TMEM63C: variants seen among roughly 807,000 people sequenced by gnomAD.
TMEM63C encodes osmosensitive cation channel TMEM63C.
TMEM63C carries 32 observed loss-of-function variants against 99.2 expected under a neutral mutation model. That is an observed-to-expected ratio of 0.32 (90% CI 0.24 to 0.43). The LOEUF (loss-of-function observed/expected upper bound fraction) is 0.43, where lower values mean the gene tolerates loss of function less well. Among genes scored for constraint, TMEM63C ranks in the 20% least tolerant of loss-of-function variants. TMEM63C has a pLI of 1.00. For missense variants in TMEM63C, 826 were observed against 1,053.0 expected (o/e 0.78, Z 2.98); for synonymous variants, 376 against 397.9 (o/e 0.94, Z 0.66).
At chr14:77,224,265 A>G (rs1181519460) in intron 5 of TMEM63C, among the ~76,000 whole-genome samples, 1 of 151,944 alleles carries the variant, frequency 6.6e-6, no homozygotes, top group Non-Finnish European at 1.5e-5. Flanking sequence ...AAAAAGAAAC[A>G]GATGTCCTTT....
intron 6 of TMEM63C, among the ~76,000 whole-genome samples, chr14:77,225,855 G>C (rs1888811291): frequency 6.6e-6 from 1 of 152,004 alleles, no homozygotes; most frequent in Non-Finnish European, 1.5e-5. Context: ...CAAACATCGG[G>C]CAGAAGGGCA....
chr14:77,181,926 G>C (rs961764314), intron 1 of TMEM63C, 32 bp downstream of exon 1: 13 of 152,458 alleles, frequency 8.5e-5, no homozygotes, highest in African/African-American at 2.9e-4. Context: ...TGCGGTGACC[G>C]GGGCTGGTCG....
chr14:77,218,765 T>G, intron 2 of TMEM63C, 36 bp from the exon 3 acceptor site: 1 of 1,601,604 alleles, frequency 6.2e-7, no homozygotes, highest in East Asian at 2.2e-5. Context: ...TGCAAGGGAG[T>G]CTTTGCATCT....
chr14:77,223,792 G>A (rs1400327602), intron 5 of TMEM63C, among the ~76,000 whole-genome samples: 1 of 152,144 alleles, frequency 6.6e-6, no homozygotes, highest in Non-Finnish European at 1.5e-5. Flanking sequence ...CTGTGCACCT[G>A]TAGTGGAAGG....
At chr14:77,219,362 A>G (rs1021412885) in intron 3 of TMEM63C, 136 bp from the exon 4 acceptor site, 2 of 832,544 alleles carry the variant, frequency 2.4e-6, no homozygotes, top group African/African-American at 3.4e-5. Context: ...CCCTACTCCA[A>G]CAGAGCTCAC....
chr14:77,215,786 A>C (rs1888573814), intron 2 of TMEM63C, among the ~76,000 whole-genome samples: 1 of 152,054 alleles, frequency 6.6e-6, no homozygotes, highest in Non-Finnish European at 1.5e-5. Context: ...ACTAGTTCCC[A>C]AGCCTCCCGC....
rs969285697 is a variant in TMEM63C at position 77,257,188 on chromosome 14, G to A, written c.*462G>A. 3.0e-5 allele frequency: 5 copies of A among 168,386 alleles called. No individual in the cohort carries two copies. Among genetic ancestry groups the A allele is most frequent in the Admixed American group, 5.7e-5 (1 of 17,394 alleles). 10.4% of individuals were successfully genotyped at this position (168,386 alleles called of 1,614,324 possible). ...GGCCCATTCCTCCCCTGCAGTCTGA[G>A]GAGGCAAAGGTATGTGCACGGGGCA... On this transcript the variant is annotated 3_prime_UTR_variant, in exon 24 of 24. Transcript: ENST00000298351.
At chr14:77,238,225 C>G (rs1889094495) in intron 9 of TMEM63C, among the ~76,000 whole-genome samples, 1 of 152,346 alleles carries the variant, frequency 6.6e-6, no homozygotes, top group East Asian at 1.9e-4. Context: ...ACTCCCCGGC[C>G]CAGTCTCACG....
At chr14:77,237,756 CG>C (rs58560673) in intron 9 of TMEM63C, among the ~76,000 whole-genome samples, 70,099 of 152,082 alleles carry the variant, frequency 0.46, 17,938 homozygotes, top group Admixed American at 0.58. Flanking sequence ...AGATGACTGA[CG>C]GGGGGCCACG....
chr14:77,191,402 G>A (rs56877603), intron 1 of TMEM63C, among the ~76,000 whole-genome samples: 2,793 of 152,170 alleles, frequency 0.018, 90 homozygotes, highest in African/African-American at 0.064. Context: ...AGAATGTTCC[G>A]TATGTGCTTG....
chr14:77,209,023 G>T (rs1202102034), intron 1 of TMEM63C, among the ~76,000 whole-genome samples: 2 of 152,130 alleles, frequency 1.3e-5, no homozygotes, highest in Non-Finnish European at 2.9e-5. Flanking sequence ...GCGGAGGGAC[G>T]TTTGGGGACC....
rs754580221 is a variant in TMEM63C at position 77,243,020 on chromosome 14, C to A, written c.1305C>A (p.Asp435Glu). ...CTGCCATCATCATGAACACTATCGA[C>A]ATGTACAACGTCACCCGCCCCATCG... ...TTPAIIMNTI[D>E]MYNVTRPIEK... Residue 435 changes from aspartate to glutamate, a missense_variant, in exon 15 of 24, where the codon GAC becomes GAA. Coordinates refer to ENST00000298351, the MANE Select transcript of TMEM63C (RefSeq NM_020431.4). The A allele has an allele frequency of 6.2e-7, 1 of 1,613,970 alleles. No individual in the cohort carries two copies. Among genetic ancestry groups the A allele is most frequent in the Non-Finnish European group, 8.5e-7 (1 of 1,179,902 alleles).
chr14:77,196,556 C>T (rs950798669), intron 1 of TMEM63C, among the ~76,000 whole-genome samples: 1 of 152,196 alleles, frequency 6.6e-6, no homozygotes, highest in Non-Finnish European at 1.5e-5. Context: ...GCTGGGCCTC[C>T]TGGTGGTTCT....
rs537503774 is a variant in TMEM63C, at chr14:77,251,647, C to A, written c.2039-142C>A. On this transcript the variant is annotated intron_variant, in intron 21 of 23. Transcript: ENST00000298351. ...AGGGATGATGTTATTTTGTCAGACTCCTAGATGCCAGTTGTTATCAGAGGA... is the reference window on the plus strand; with the variant it reads ...AGGGATGATGTTATTTTGTCAGACTACTAGATGCCAGTTGTTATCAGAGGA... 9 of 655,216 alleles carry A rather than the reference C, an allele frequency of 1.4e-5. No homozygotes were observed. The East Asian group carries it at 2.3e-4, about 17-fold the overall frequency. The allele number at this position is 655,216 out of a possible 1,614,324, so 40.6% of individuals were successfully genotyped here. A position where few individuals can be genotyped will look rare whatever the true frequency, so the allele number is the denominator to read the frequency against.
At chr14:77,191,831 A>C (rs575480309) in intron 1 of TMEM63C, among the ~76,000 whole-genome samples, 1 of 152,306 alleles carries the variant, frequency 6.6e-6, no homozygotes, top group East Asian at 1.9e-4. Flanking sequence ...GGCATGAGCC[A>C]CCAAGCCTGG....
Position 77,186,157 on chromosome 14 carries a change from G to A in TMEM63C, c.-77+4263G>A, listed in dbSNP as rs141367908. On this transcript the variant is annotated intron_variant, in intron 1 of 23. Coordinates refer to ENST00000298351, the MANE Select transcript of TMEM63C (RefSeq NM_020431.4). Reference sequence around the variant, plus strand: ...CTCCCGAGTAGCTGGGATTACAGGCGTGCGCCAACACGTCGGCTAATTTCT... The same window carrying A: ...CTCCCGAGTAGCTGGGATTACAGGCATGCGCCAACACGTCGGCTAATTTCT... Among the ~76,000 whole-genome samples the A allele has an allele frequency of 7.4e-4, 112 of 152,054 alleles. 1 individual carries two copies. Among genetic ancestry groups the A allele is most frequent in the African/African-American group, 2.5e-3 (103 of 41,504 alleles).
rs1356976905 is a variant in TMEM63C, at chr14:77,258,202, GC to G, written c.*1481del. 1 of 152,534 alleles carries G rather than the reference GC, an allele frequency of 6.6e-6. No homozygotes were observed. The highest frequency in any genetic ancestry group is 1.5e-5 in the Non-Finnish European group (1 of 68,304). The allele number at this position is 152,534 out of a possible 1,614,324, so 9.4% of individuals were successfully genotyped here. ...TCTGTGTGCTCCAGGGCCCTCTTCA[GC>G]CCCCTCCCCCAAAGGTCTGGGTCCC... On this transcript the variant is annotated 3_prime_UTR_variant, in exon 24 of 24. Transcript: ENST00000298351.
intron 3 of TMEM63C, 53 bp from the exon 4 acceptor site, chr14:77,219,445 G>A: frequency 6.3e-7 from 1 of 1,594,320 alleles, no homozygotes; most frequent in Non-Finnish European, 8.6e-7. Flanking sequence ...GGCCAGCCAA[G>A]GGGAAGGGAT....
intron 1 of TMEM63C, among the ~76,000 whole-genome samples, chr14:77,184,702 C>G (rs1043795144): frequency 6.6e-6 from 1 of 152,174 alleles, no homozygotes. Context: ...TCTTTCCTCT[C>G]GTGGGAGAGC....
Sources: gnomAD v4.1 joint callset for allele counts (sites outside exome capture counted in the v4.1 genomes callset) on GRCh38, gnomAD v4.1.1 for gene constraint, MANE v1.5 for transcripts, NCBI Gene and HGNC (gene_info 2026-07-23, HGNC 2026-07-21) for gene names.